OLFM2: variants seen among roughly 807,000 people sequenced by gnomAD.
OLFM2 encodes olfactomedin 2.
Under a neutral mutation model 43.9 loss-of-function variants are expected in OLFM2, and 20 were observed. That is an observed-to-expected ratio of 0.46 (90% CI 0.32 to 0.66). The LOEUF is 0.66. Among genes scored for constraint, OLFM2 ranks in the 30% least tolerant of loss-of-function variants. The probability of loss-of-function intolerance (pLI) is 0.04; values close to 1 mark genes in which losing one functional copy is unlikely to be tolerated. For missense variants in OLFM2, 416 were observed against 643.6 expected, an observed-to-expected ratio of 0.65 and a Z score of 3.83; for synonymous variants, 268 against 278.6, an observed-to-expected ratio of 0.96 and a Z score of 0.38.
At chr19:9,907,920 G>A (rs538682400) in intron 1 of OLFM2, among the ~76,000 whole-genome samples, 3 of 152,082 alleles carry the variant, frequency 2.0e-5, no homozygotes, top group Admixed American at 6.5e-5. Context: ...CAGGAGAATC[G>A]CTTGAATCCG....
intron 1 of OLFM2, among the ~76,000 whole-genome samples, chr19:9,900,109 A>C (rs915483807): frequency 3.9e-5 from 6 of 152,180 alleles, no homozygotes; most frequent in African/African-American, 1.2e-4. Context: ...GATCCCCTGC[A>C]TTCCTTACAT....
chr19:9,888,939 G>GC lies in OLFM2; in HGVS notation c.64-28146dup, dbSNP rs543827549. ...AAATTAGCCGGGCATGGTGGCGGGT[G>GC]CCTGTAGTCCCAGCTACTTGGGAGG... is the stretch of plus-strand genomic sequence containing the variant. On this transcript the variant is annotated intron_variant, in intron 1 of 5. Coordinates refer to ENST00000264833, the MANE Select transcript of OLFM2 (RefSeq NM_058164.4). Among the ~76,000 whole-genome samples the GC allele has an allele frequency of 7.4e-4, 113 of 152,172 alleles. 1 individual carries two copies. Among genetic ancestry groups the GC allele is most frequent in the Non-Finnish European group, 1.2e-3 (82 of 68,014 alleles).
At chr19:9,887,115 G>A (rs761768857) in intron 1 of OLFM2, among the ~76,000 whole-genome samples, 5 of 152,156 alleles carry the variant, frequency 3.3e-5, no homozygotes, top group Admixed American at 6.6e-5. Flanking sequence ...AAACATCTCT[G>A]GCATTCAAGA....
intron 1 of OLFM2, chr19:9,913,423 A>AGCG (rs1222453220): frequency 1.0e-6 from 1 of 958,028 alleles, no homozygotes; most frequent in African/African-American, 1.8e-5. Context: ...CGGCGGCGGC[A>AGCG]GCGGCTGTGG....
At position 9,854,045 on chromosome 19, in the gene OLFM2, G is replaced by GAAAAAAT; in HGVS notation, c.*140_*141insATTTTTT. 1 of 697,152 alleles carries GAAAAAAT rather than the reference G, an allele frequency of 1.4e-6. No homozygotes were observed. The highest frequency in any genetic ancestry group is 2.4e-6 in the Non-Finnish European group (1 of 415,292). 43.2% of individuals were successfully genotyped at this position (697,152 alleles called of 1,614,324 possible). A position where few individuals can be genotyped will look rare whatever the true frequency, so the allele number is the denominator to read the frequency against. Reference sequence around the variant, plus strand: ...AAAAATAGACAGAAATACATAGGCAGAGAACAAAAGCCCAGCAAAAAGGCG... The same window carrying GAAAAAAT: ...AAAAATAGACAGAAATACATAGGCAGAAAAAATAGAACAAAAGCCCAGCAAAAAGGCG... On this transcript the variant is annotated 3_prime_UTR_variant, in exon 6 of 6. Coordinates refer to ENST00000264833, the MANE Select transcript of OLFM2 (RefSeq NM_058164.4). The surrounding 1 kb of genome is among the most constrained non-coding windows in gnomAD (Gnocchi z 9.5).
chr19:9,862,045 GA>G (rs1484247820), intron 1 of OLFM2, among the ~76,000 whole-genome samples: 2 of 138,200 alleles, frequency 1.4e-5, no homozygotes, highest in African/African-American at 5.4e-5. Flanking sequence ...AAAAAAAAAA[GA>G]AGATATCCAT....
chr19:9,870,829 C>T (rs2046436036), intron 1 of OLFM2, among the ~76,000 whole-genome samples: 1 of 152,066 alleles, frequency 6.6e-6, no homozygotes, highest in African/African-American at 2.4e-5. Flanking sequence ...GCTGAGATTG[C>T]ACCATTGCAC....
intron 1 of OLFM2, among the ~76,000 whole-genome samples, chr19:9,889,023 G>A (rs550092253): frequency 2.4e-4 from 36 of 151,280 alleles, no homozygotes; most frequent in African/African-American, 6.3e-4. Flanking sequence ...CCAAGATTGC[G>A]CCACTGCACT....
intron 1 of OLFM2, among the ~76,000 whole-genome samples, chr19:9,884,537 A>G (rs2046569466): frequency 6.6e-6 from 1 of 152,150 alleles, no homozygotes; most frequent in Non-Finnish European, 1.5e-5. Context: ...AGATTGTGCC[A>G]GTGCACTCCA....
At chr19:9,872,194 T>G (rs1275641058) in intron 1 of OLFM2, among the ~76,000 whole-genome samples, 1 of 152,082 alleles carries the variant, frequency 6.6e-6, no homozygotes, top group Non-Finnish European at 1.5e-5. Flanking sequence ...AAATATCCCC[T>G]GAGTGATAAG....
rs967954646 is a variant in OLFM2 at position 9,878,910 on chromosome 19, A to G, written c.64-18116T>C. Reference sequence around the variant, plus strand: ...AGCCCAGGCTGGAGCACAGTGGCGCAGTCATGGCTCACTGCAGCCTCAACC... The same window carrying G: ...AGCCCAGGCTGGAGCACAGTGGCGCGGTCATGGCTCACTGCAGCCTCAACC... On this transcript the variant is annotated intron_variant, in intron 1 of 5. Transcript: ENST00000264833. 2.6e-5 allele frequency among the ~76,000 whole-genome samples: 4 copies of G among 152,096 alleles called. No homozygotes were observed. In the East Asian group the frequency reaches 5.8e-4, roughly 22 times the overall value.
Position 9,857,118 on chromosome 19 carries a change from G to C in OLFM2, c.580+145C>G, listed in dbSNP as rs1568365964. Reference sequence around the variant, plus strand: ...GGCCATTTCCAGCTTCTGGACTCAAGTGTAGCCTTAGGTAGGAAGGTCAAG... The same window carrying C: ...GGCCATTTCCAGCTTCTGGACTCAACTGTAGCCTTAGGTAGGAAGGTCAAG... On this transcript the variant is annotated intron_variant, in intron 4 of 5. Transcript: ENST00000264833. This position sits in a 1 kb window ranked among gnomAD's most constrained non-coding sequence, Gnocchi z 5.7. The C allele has an allele frequency of 3.4e-6, 3 of 887,216 alleles. No individual in the cohort carries two copies. Among genetic ancestry groups the C allele is most frequent in the Non-Finnish European group, 3.6e-6 (2 of 556,124 alleles). 55.0% of individuals were successfully genotyped at this position (887,216 alleles called of 1,614,324 possible).
At chr19:9,871,581 A>G (rs2046442804) in intron 1 of OLFM2, among the ~76,000 whole-genome samples, 1 of 152,026 alleles carries the variant, frequency 6.6e-6, no homozygotes, top group Admixed American at 6.6e-5. Context: ...CTCAAAAAAA[A>G]AAAAAAAAAA....
At chr19:9,913,652 G>T in intron 1 of OLFM2, 1 of 1,202,380 alleles carries the variant, frequency 8.3e-7, no homozygotes, top group Non-Finnish European at 1.0e-6. Flanking sequence ...GCCGCCCGCC[G>T]CGCGTCCCTT....
chr19:9,881,558 C>G (rs1370533810), intron 1 of OLFM2, among the ~76,000 whole-genome samples: 2 of 152,166 alleles, frequency 1.3e-5, no homozygotes, highest in Non-Finnish European at 2.9e-5. Flanking sequence ...TTGGTTCCTT[C>G]AAGCCTCACT....
chr19:9,870,606 A>G (rs2046434406), intron 1 of OLFM2, among the ~76,000 whole-genome samples: 1 of 152,066 alleles, frequency 6.6e-6, no homozygotes, highest in Non-Finnish European at 1.5e-5. Flanking sequence ...AGGTCACAGG[A>G]TGCTTATTCT....
At chr19:9,906,357 T>C (rs1222640635) in intron 1 of OLFM2, among the ~76,000 whole-genome samples, 2 of 152,234 alleles carry the variant, frequency 1.3e-5, no homozygotes, top group East Asian at 3.9e-4. Flanking sequence ...CTCATTGAGA[T>C]ATCTTTGCAA....
intron 1 of OLFM2, among the ~76,000 whole-genome samples, chr19:9,867,173 C>T (rs2046408277): frequency 6.6e-6 from 1 of 152,164 alleles, no homozygotes; most frequent in Non-Finnish European, 1.5e-5. Context: ...GAGTTCCAGA[C>T]CAGTCTGGCC....
chr19:9,905,898 C>T (rs950892242), intron 1 of OLFM2, among the ~76,000 whole-genome samples: 1 of 152,316 alleles, frequency 6.6e-6, no homozygotes, highest in Non-Finnish European at 1.5e-5. Context: ...CAAGCCCCAT[C>T]GCACCTCAAC....
Sources: gnomAD v4.1 joint callset for allele counts (sites outside exome capture counted in the v4.1 genomes callset) on GRCh38, gnomAD v4.1.1 for gene constraint, Gnocchi (gnomAD v3.1) non-coding constraint, MANE v1.5 for transcripts, NCBI Gene and HGNC (gene_info 2026-07-23, HGNC 2026-07-21) for gene names.